Variants in AP1G1 observed in about 807,000 individuals in gnomAD.
AP1G1 encodes the protein adaptor related protein complex 1 subunit gamma 1.
In AP1G1, 7 loss-of-function variants were observed where a neutral mutation model predicts 108.3. The ratio of observed to expected loss-of-function variants is 0.06; its 90% confidence interval spans 0.04 to 0.12. The LOEUF is 0.12. Among genes scored for constraint, AP1G1 ranks in the 10% least tolerant of loss-of-function variants. AP1G1 has a pLI of 1.00. For synonymous variants in AP1G1, 379 were observed against 353.5 expected (o/e 1.07, Z -0.81); for missense variants, 756 against 1,010.7 (o/e 0.75, Z 3.42).
intron 6 of AP1G1, 126 bp from the exon 7 acceptor site, chr16:71,765,710 T>A: frequency 1.4e-6 from 1 of 689,780 alleles, no homozygotes; most frequent in South Asian, 1.5e-5. Flanking sequence ...TGATTTAATA[T>A]ACTAGTGTAT....
At chr16:71,770,854 T>C (rs1329305348) in intron 5 of AP1G1, among the ~76,000 whole-genome samples, 2 of 152,224 alleles carry the variant, frequency 1.3e-5, no homozygotes, top group East Asian at 1.9e-4. Flanking sequence ...ATTTTACACA[T>C]GAAAATTATG....
At chr16:71,807,857 G>T in intron 1 of AP1G1, 1 of 1,287,416 alleles carries the variant, frequency 7.8e-7, no homozygotes, top group South Asian at 1.2e-5. Flanking sequence ...TATATAATAG[G>T]GGAGAAAAAA....
chr16:71,753,854 T>G lies in AP1G1; in HGVS notation c.1263A>C (p.Thr421=). The G allele has an allele frequency of 1.9e-6, 3 of 1,614,102 alleles. No homozygotes were observed. The highest frequency in any genetic ancestry group is 2.5e-6 in the Non-Finnish European group (3 of 1,179,968). The stretch of plus-strand genomic sequence containing the variant: ...TTACCGTTGTCAAAACACGCATAAT[T>G]GTGTCTATATGCCATCGTTTGGAAG... ...YAPSKRWHID[T]IMRVLTTAGS... The change falls in exon 13 of 23, where the codon ACA becomes ACC. Residue 421 remains threonine, a synonymous_variant. Transcript: ENST00000299980.
At position 71,773,030 on chromosome 16, in the gene AP1G1, ATTTG is replaced by A. The variant is rs1227161512; in HGVS notation, c.468+187_468+190del. The A allele has an allele frequency of 5.5e-6, 4 of 727,668 alleles. No homozygotes were observed. In the Admixed American group the frequency reaches 8.2e-5, roughly 15 times the overall value. The allele number at this position is 727,668 out of a possible 1,614,324, so 45.1% of individuals were successfully genotyped here. ...TGCCACCTAGGATATATCCAGTAAC[ATTTG>A]TTTGTTTATAAATCATTTCCTTAAG... On this transcript the variant is annotated intron_variant, in intron 4 of 22. Coordinates refer to ENST00000299980, the MANE Select transcript of AP1G1 (RefSeq NM_001128.6).
At chr16:71,782,384 G>A (rs988960657) in intron 2 of AP1G1, among the ~76,000 whole-genome samples, 2 of 151,704 alleles carry the variant, frequency 1.3e-5, no homozygotes, top group East Asian at 1.9e-4. Flanking sequence ...GGCTGGTCTC[G>A]AACTCCTGAG....
At position 71,755,190 on chromosome 16, in the gene AP1G1, C is replaced by G. The variant is rs145745956; in HGVS notation, c.1229+829G>C. Among the ~76,000 whole-genome samples the G allele has an allele frequency of 4.5e-3, 687 of 152,282 alleles. 11 individuals are homozygous for G. Among genetic ancestry groups the G allele is most frequent in the African/African-American group, 0.016 (667 of 41,558 alleles). ...CCTGTAATCCTAGCACTTTGGGAGG[C>G]TGAGGCAGGCGAATCGCTTGAGTCC... On this transcript the variant is annotated intron_variant, in intron 12 of 22. Coordinates refer to ENST00000299980, the MANE Select transcript of AP1G1 (RefSeq NM_001128.6).
rs754821337 is a variant in AP1G1 at position 71,739,283 on chromosome 16, G to T, written c.2058C>A (p.Phe686Leu). ...ASVPQISQPPFLLDGLSSQPL... is the reference protein window; with the variant it reads ...ASVPQISQPPLLLDGLSSQPL... Reference sequence around the variant, plus strand: ...GCTGTGATGAAAGCCCATCCAACAAGAAGGGGGGCTGGGATATCTGTGGGA... The same window carrying T: ...GCTGTGATGAAAGCCCATCCAACAATAAGGGGGGCTGGGATATCTGTGGGA... Residue 686 changes from phenylalanine (F) to leucine (L), a missense_variant, in exon 20 of 23, where the codon TTC becomes TTA. By Grantham distance (22) the Phe-to-Leu change is conservative (BLOSUM62 0). Transcript: ENST00000299980. 6.2e-7 allele frequency: 1 copy of T among 1,613,236 alleles called. No individual in the cohort carries two copies. Among genetic ancestry groups the T allele is most frequent in the Non-Finnish European group, 8.5e-7 (1 of 1,179,816 alleles).
At chr16:71,775,547 A>C (rs2031751357) in intron 2 of AP1G1, among the ~76,000 whole-genome samples, 1 of 152,200 alleles carries the variant, frequency 6.6e-6, no homozygotes, top group African/African-American at 2.4e-5. Flanking sequence ...TCCCCAAGTT[A>C]CATTAAATGA....
chr16:71,753,782 C>T (rs1308887860), intron 13 of AP1G1, 51 bp downstream of exon 13: 3 of 1,500,556 alleles, frequency 2.0e-6, no homozygotes, highest in Non-Finnish European at 2.8e-6. Flanking sequence ...TTCATGATAA[C>T]ATCAGTATAT....
chr16:71,766,817 G>C (rs1001660877), intron 6 of AP1G1, among the ~76,000 whole-genome samples: 3 of 152,164 alleles, frequency 2.0e-5, no homozygotes, highest in Non-Finnish European at 4.4e-5. Context: ...AATAAGTTGA[G>C]CCATAACAGT....
At chr16:71,780,132 T>C (rs2031954873) in intron 2 of AP1G1, among the ~76,000 whole-genome samples, 1 of 151,682 alleles carries the variant, frequency 6.6e-6, no homozygotes, top group Admixed American at 6.6e-5. Flanking sequence ...TAGCTAAGAC[T>C]ACAGGCACGC....
chr16:71,784,171 G>A lies in AP1G1; in HGVS notation c.201+5108C>T, dbSNP rs566374417. Reference sequence around the variant, plus strand: ...GGAAATGGTAAAATGCATAACATGAGGCTTTTTATATACAAAATGTGTCTA... The same window carrying A: ...GGAAATGGTAAAATGCATAACATGAAGCTTTTTATATACAAAATGTGTCTA... On this transcript the variant is annotated intron_variant, in intron 2 of 22. Coordinates refer to ENST00000299980, the MANE Select transcript of AP1G1 (RefSeq NM_001128.6). Among the ~76,000 whole-genome samples, 4 of 152,276 alleles carry A rather than the reference G, an allele frequency of 2.6e-5. No individual in the cohort carries two copies. The South Asian group carries it at 8.3e-4, about 32-fold the overall frequency.
chr16:71,743,239 A>G (rs916570402), intron 19 of AP1G1: 1 of 152,232 alleles, frequency 6.6e-6, no homozygotes, highest in Admixed American at 6.5e-5. Flanking sequence ...GACAAGTAAC[A>G]TTTTGAAATT....
Position 71,752,689 on chromosome 16 carries a change from A to T in AP1G1, c.1284+1144T>A, listed in dbSNP as rs2030567240. Among the ~76,000 whole-genome samples the T allele has an allele frequency of 2.6e-5, 4 of 152,194 alleles. 1 individual carries two copies. The highest frequency in any genetic ancestry group is 2.6e-4 in the Admixed American group (4 of 15,282). ...TTAATGAATCAAAGGGTACAATTTAAGGCTTTTCCTACATGCTACCAAACT... is the reference window on the plus strand; with the variant it reads ...TTAATGAATCAAAGGGTACAATTTATGGCTTTTCCTACATGCTACCAAACT... On this transcript the variant is annotated intron_variant, in intron 13 of 22. Coordinates refer to ENST00000299980, the MANE Select transcript of AP1G1 (RefSeq NM_001128.6).
intron 1 of AP1G1, among the ~76,000 whole-genome samples, chr16:71,798,844 C>T (rs2142275609): frequency 6.6e-6 from 1 of 151,804 alleles, no homozygotes; most frequent in Non-Finnish European, 1.5e-5. Flanking sequence ...GCCGAGATCA[C>T]ACCACTGCAC....
chr16:71,781,263 T>C lies in AP1G1; in HGVS notation c.202-6671A>G, dbSNP rs555401676. ...AAATCTATATAGACCAGAGTCTGTT[T>C]CTTCATTCTTCTGGCAGAAAAACAA... On this transcript the variant is annotated intron_variant, in intron 2 of 22. Coordinates refer to ENST00000299980, the MANE Select transcript of AP1G1 (RefSeq NM_001128.6). Among the ~76,000 whole-genome samples, 3 of 152,340 alleles carry C rather than the reference T, an allele frequency of 2.0e-5. No homozygotes were observed. In the East Asian group the frequency reaches 5.8e-4, roughly 29 times the overall value.
intron 21 of AP1G1, among the ~76,000 whole-genome samples, chr16:71,735,164 T>A (rs1409240073): frequency 6.6e-6 from 1 of 152,170 alleles, no homozygotes; most frequent in Admixed American, 6.5e-5. Context: ...GGCTTTTGTG[T>A]GATTGGATAA....
chr16:71,762,633 A>G (rs910912296), intron 9 of AP1G1, among the ~76,000 whole-genome samples: 4 of 152,330 alleles, frequency 2.6e-5, no homozygotes, highest in African/African-American at 9.6e-5. Flanking sequence ...ATAGCTGAAC[A>G]TGTGGAGCTT....
At chr16:71,776,515 A>G (rs2031784191) in intron 2 of AP1G1, among the ~76,000 whole-genome samples, 1 of 152,232 alleles carries the variant, frequency 6.6e-6, no homozygotes, top group African/African-American at 2.4e-5. Flanking sequence ...TCAGAAGCTA[A>G]AATATTATCA....
Sources: gnomAD v4.1 joint callset for allele counts (sites outside exome capture counted in the v4.1 genomes callset) on GRCh38, gnomAD v4.1.1 for gene constraint, MANE v1.5 for transcripts, NCBI Gene and HGNC (gene_info 2026-07-23, HGNC 2026-07-21) for gene names.